The following DNAH5 variants were observed in gnomAD, a reference collection of about 807,000 sequenced individuals.
The protein encoded by DNAH5 is axonemal beta dynein heavy chain 5.
DNAH5 carries 372 observed loss-of-function variants against 518.2 expected under a neutral mutation model. That is an observed-to-expected ratio of 0.72 (90% confidence interval 0.66 to 0.78). DNAH5 has a LOEUF of 0.78. Among genes scored for constraint, DNAH5 ranks in the 30% least tolerant of loss-of-function variants. The probability of loss-of-function intolerance (pLI) is 0.00; values close to 1 mark genes in which losing one functional copy is unlikely to be tolerated. For missense variants in DNAH5, 5,523 were observed against 5,687.0 expected (o/e 0.97, Z 0.93); for synonymous variants, 2,039 against 2,025.9 (o/e 1.01, Z -0.17).
chr5:13,751,024 A>G (rs1750137215), intron 65 of DNAH5, 54 bp downstream of exon 65: 1 of 1,564,886 alleles, frequency 6.4e-7, no homozygotes. Flanking sequence ...ATTTTTGTCA[A>G]TGAAATATGA....
At chr5:13,953,365 C>G (rs941162810) in intron 1 of DNAH5, among the ~76,000 whole-genome samples, 1 of 152,182 alleles carries the variant, frequency 6.6e-6, no homozygotes, top group African/African-American at 2.4e-5. Flanking sequence ...GAATTGTCAG[C>G]TTCCTGATTT....
At chr5:13,793,377 G>A in intron 49 of DNAH5, 138 bp downstream of exon 49, 1 of 735,480 alleles carries the variant, frequency 1.4e-6, no homozygotes, top group East Asian at 2.6e-5. Flanking sequence ...GAAATACACT[G>A]CTTGAGAGTG....
chr5:13,904,501 T>G (rs1214650535), intron 12 of DNAH5, among the ~76,000 whole-genome samples: 1 of 149,860 alleles, frequency 6.7e-6, no homozygotes, highest in Non-Finnish European at 1.5e-5. Flanking sequence ...TATAGATATA[T>G]TGATTTTATA....
rs765615614 is a variant in DNAH5, at chr5:13,870,952, T to C, written c.3649A>G (p.Ile1217Val). 7 of 1,613,836 alleles carry C rather than the reference T, an allele frequency of 4.3e-6. No individual in the cohort carries two copies. The highest frequency in any genetic ancestry group is 1.7e-5 in the Admixed American group (1 of 59,962). The change falls in exon 24 of 79, where the codon ATT becomes GTT. Residue 1217 changes from isoleucine (I) to valine (V), a missense_variant. This residue lies in a region of DNAH5 where 5,121 missense variants were observed against 5,223.3 expected (regional missense o/e 0.98). Transcript: ENST00000265104. ...TATTTTTTGTTACAGTGGCGTCCAA[T>C]GACAACCATCCAGGCCTTTGTCTCA... ...TAETKAWMVV[I>V]GRHCNKKYRS...
intron 1 of DNAH5, among the ~76,000 whole-genome samples, chr5:13,991,579 A>AGGG (rs1783552261): frequency 7.5e-6 from 1 of 132,460 alleles, no homozygotes; most frequent in East Asian, 2.9e-4. Context: ...GAGGAGAAAG[A>AGGG]GGAGGAGGAG....
At chr5:13,729,074 A>C (rs1162366516) in intron 69 of DNAH5, among the ~76,000 whole-genome samples, 1 of 152,210 alleles carries the variant, frequency 6.6e-6, no homozygotes, top group African/African-American at 2.4e-5. Context: ...CAAGCTGTTC[A>C]TATGTCTTTT....
intron 27 of DNAH5, among the ~76,000 whole-genome samples, chr5:13,865,097 C>T (rs1472167084): frequency 2.7e-5 from 4 of 148,262 alleles, no homozygotes; most frequent in African/African-American, 7.5e-5. Flanking sequence ...TGGGTTCAAG[C>T]GATTCTCCTG....
In DNAH5 at chr5:13,850,818, A is replaced by G. The variant is rs760458638; in HGVS notation, c.4951-3T>C. ...ATGTTAGAAAACCGCTTGGCTTCCT[A>G]TGAGAACAAGGTAACAAAGCACACT... On this transcript the variant is annotated splice_polypyrimidine_tract_variant and splice_region_variant and intron_variant, in intron 30 of 78. Coordinates refer to ENST00000265104, the MANE Select transcript of DNAH5 (RefSeq NM_001369.3). 3 of 1,614,054 alleles carry G rather than the reference A, an allele frequency of 1.9e-6. No homozygotes were observed. The highest frequency in any genetic ancestry group is 1.7e-6 in the Non-Finnish European group (2 of 1,179,968).
intron 73 of DNAH5, among the ~76,000 whole-genome samples, chr5:13,716,898 T>C (rs1216510714): frequency 6.6e-6 from 1 of 152,202 alleles, no homozygotes; most frequent in African/African-American, 2.4e-5. Flanking sequence ...ATAGACTTCC[T>C]TGATGCATTC....
intron 70 of DNAH5, among the ~76,000 whole-genome samples, chr5:13,721,669 CTA>C (rs1307841006): frequency 6.6e-6 from 1 of 152,200 alleles, no homozygotes; most frequent in Non-Finnish European, 1.5e-5. Context: ...TATTGAGTGA[CTA>C]TTTTTATGAA....
rs145404956 is a variant in DNAH5 at position 13,874,720 on chromosome 5, A to G, written c.3396+1964T>C. Among the ~76,000 whole-genome samples, 522 of 152,164 alleles carry G rather than the reference A, an allele frequency of 3.4e-3. 4 individuals carry two copies. The highest frequency in any genetic ancestry group is 0.012 in the African/African-American group (501 of 41,528). On this transcript the variant is annotated intron_variant, in intron 22 of 78. Coordinates refer to ENST00000265104, the MANE Select transcript of DNAH5 (RefSeq NM_001369.3). ...TTTAGTGGAAACATAGTTTTACCAT[A>G]TTGGCTAGGCTGGTCTCAAACTCCC...
At chr5:13,926,100 G>A (rs1777837309) in intron 3 of DNAH5, among the ~76,000 whole-genome samples, 1 of 152,198 alleles carries the variant, frequency 6.6e-6, no homozygotes, top group Non-Finnish European at 1.5e-5. Context: ...GGAGCTAACA[G>A]CACCACCATG....
rs997609661 is a variant in DNAH5, at chr5:13,855,506, C to T, written c.4950+3946G>A. Among the ~76,000 whole-genome samples the T allele has an allele frequency of 4.1e-5, 2 of 48,260 alleles. 1 individual carries two copies. The highest frequency in any genetic ancestry group is 1.3e-4 in the African/African-American group (2 of 15,150). 31.7% of individuals were successfully genotyped at this position (48,260 alleles called of 152,430 possible). ...TACAGGCGTGAGCCACCGCGCCCGG[C>T]CATAAATCTTACATTTTAATGCCCA... is the stretch of plus-strand genomic sequence containing the variant. On this transcript the variant is annotated intron_variant, in intron 30 of 78. Transcript: ENST00000265104.
At chr5:13,762,693 C>A in intron 60 of DNAH5, 29 bp downstream of exon 60, 12 of 1,610,718 alleles carry the variant, frequency 7.5e-6, no homozygotes, top group Non-Finnish European at 1.0e-5. Context: ...GCCCAGCCAC[C>A]TTCACCCAGG....
chr5:14,003,406 C>T (rs1159586339), intron 1 of DNAH5, among the ~76,000 whole-genome samples: 1 of 152,150 alleles, frequency 6.6e-6, no homozygotes, highest in East Asian at 1.9e-4. Context: ...GTGAGCAGTA[C>T]TTTGCCTTCT....
intron 65 of DNAH5, among the ~76,000 whole-genome samples, chr5:13,750,049 T>G (rs552355459): frequency 1.3e-5 from 2 of 151,744 alleles, no homozygotes; most frequent in Non-Finnish European, 2.9e-5. Context: ...AAATTAACAA[T>G]AATGTTCAGG....
chr5:13,734,886 C>T (rs1489621803), intron 68 of DNAH5, among the ~76,000 whole-genome samples: 1 of 152,034 alleles, frequency 6.6e-6, no homozygotes, highest in East Asian at 1.9e-4. Context: ...CTCCCTAAAT[C>T]TATATATGCT....
intron 35 of DNAH5, among the ~76,000 whole-genome samples, chr5:13,838,834 G>A (rs183826140): frequency 4.9e-4 from 75 of 152,220 alleles, no homozygotes; most frequent in African/African-American, 1.6e-3. Flanking sequence ...TCTTACAAAT[G>A]AGGGGACTGA....
At chr5:13,816,168 T>A (rs1298095933) in intron 42 of DNAH5, among the ~76,000 whole-genome samples, 2 of 152,176 alleles carry the variant, frequency 1.3e-5, no homozygotes, top group Non-Finnish European at 2.9e-5. Flanking sequence ...GTCAGGGGTG[T>A]CCTTGATACA....
Sources: allele counts gnomAD v4.1 joint callset (sites outside exome capture counted in the v4.1 genomes callset), GRCh38; gene constraint gnomAD v4.1.1; regional missense constraint gnomAD v4.1.1; transcripts MANE v1.5; gene names NCBI Gene and HGNC (gene_info 2026-07-23, HGNC 2026-07-21).